The following AKAP13 variants were observed in gnomAD, a reference collection of about 807,000 sequenced individuals.
AKAP13 encodes A-kinase anchoring protein 13.
In AKAP13, 80 loss-of-function variants were observed where a neutral mutation model predicts 264.5. The ratio of observed to expected loss-of-function variants is 0.30; its 90% confidence interval spans 0.25 to 0.36. The LOEUF is 0.36. Among genes scored for constraint, AKAP13 ranks in the 10% least tolerant of loss-of-function variants. The pLI is 1.00. For synonymous variants in AKAP13, 1,380 were observed against 1,250.2 expected (o/e 1.10, Z -2.19); for missense variants, 3,712 against 3,435.2 (o/e 1.08, Z -2.01).
intron 3 of AKAP13, among the ~76,000 whole-genome samples, chr15:85,531,230 C>G (rs988991200): frequency 2.0e-5 from 3 of 152,178 alleles, no homozygotes; most frequent in African/African-American, 7.2e-5. Flanking sequence ...ATGCACCACT[C>G]CTCTCCCCAG....
Position 85,708,296 on chromosome 15 carries a change from A to T in AKAP13, c.5532+210A>T, listed in dbSNP as rs1055393778. 6.6e-6 allele frequency among the ~76,000 whole-genome samples: 1 copy of T among 152,212 alleles called. No individual in the cohort carries two copies. The highest frequency in any genetic ancestry group is 2.4e-5 in the African/African-American group (1 of 41,456). ...ACACTGGAGAATTAGACTTTCAGAA[A>T]AGAAAACGCTTTCAGAACTTCTTCA... On this transcript the variant is annotated intron_variant, in intron 18 of 36. Coordinates refer to ENST00000394518, the MANE Select transcript of AKAP13 (RefSeq NM_007200.5). This position sits in a 1 kb window ranked among gnomAD's most constrained non-coding sequence, Gnocchi z 4.3.
chr15:85,729,734 C>A lies in AKAP13; in HGVS notation c.7088-779C>A, dbSNP rs140720274. Among the ~76,000 whole-genome samples the A allele has an allele frequency of 2.6e-3, 398 of 152,080 alleles. 1 individual carries two copies. Among genetic ancestry groups the A allele is most frequent in the African/African-American group, 9.3e-3 (387 of 41,476 alleles). Reference sequence around the variant, plus strand: ...GGCAGATCACCCAAGGTCTGGAGTTCGAGACCAGCCTGGCCAACATGGTGA... The same window carrying A: ...GGCAGATCACCCAAGGTCTGGAGTTAGAGACCAGCCTGGCCAACATGGTGA... On this transcript the variant is annotated intron_variant, in intron 29 of 36. Transcript: ENST00000394518.
Position 85,442,544 on chromosome 15 carries a change from A to AT in AKAP13, c.-11-43165dup, listed in dbSNP as rs571143933. ...TTATATTATATATAATATATATTAT[A>AT]TATATATTTATTTCTAGCATGAGAA... On this transcript the variant is annotated intron_variant, in intron 1 of 36. Transcript: ENST00000394518. 2.5e-3 allele frequency among the ~76,000 whole-genome samples: 325 copies of AT among 131,560 alleles called. 3 individuals are homozygous for AT. The highest frequency in any genetic ancestry group is 9.0e-3 in the African/African-American group (309 of 34,354). 86.3% of individuals were successfully genotyped at this position (131,560 alleles called of 152,430 possible).
chr15:85,489,013 T>C (rs2075651764), intron 2 of AKAP13, among the ~76,000 whole-genome samples: 1 of 152,218 alleles, frequency 6.6e-6, no homozygotes, highest in African/African-American at 2.4e-5. Context: ...AGTTAGAAAC[T>C]CTCTGATCTT....
At chr15:85,469,673 C>T (rs1279955257) in intron 1 of AKAP13, among the ~76,000 whole-genome samples, 1 of 152,184 alleles carries the variant, frequency 6.6e-6, no homozygotes, top group Non-Finnish European at 1.5e-5. Flanking sequence ...AATAAGTGTG[C>T]ACATAGACTT....
intron 13 of AKAP13, among the ~76,000 whole-genome samples, chr15:85,666,154 C>T (rs911417151): frequency 5.9e-5 from 9 of 152,274 alleles, no homozygotes; most frequent in African/African-American, 1.4e-4. Context: ...AGTGTAAAAG[C>T]GTTCCTATCT....
At chr15:85,633,141 C>T (rs1029669049) in intron 8 of AKAP13, among the ~76,000 whole-genome samples, 7 of 152,206 alleles carry the variant, frequency 4.6e-5, no homozygotes, top group Non-Finnish European at 5.9e-5. Flanking sequence ...GCTGGGATTA[C>T]AGGCATGTGC....
chr15:85,464,145 C>T (rs2151006866), intron 1 of AKAP13, among the ~76,000 whole-genome samples: 1 of 152,298 alleles, frequency 6.6e-6, no homozygotes, highest in South Asian at 2.1e-4. Flanking sequence ...GGCATGCCTT[C>T]CTCTTTTCTG....
intron 14 of AKAP13, among the ~76,000 whole-genome samples, chr15:85,674,521 T>C (rs910682201): frequency 1.3e-5 from 2 of 152,200 alleles, no homozygotes; most frequent in African/African-American, 4.8e-5. Flanking sequence ...GCACTTTCCC[T>C]TGGGGTTGTT....
At chr15:85,603,412 A>T (rs570721576) in intron 8 of AKAP13, among the ~76,000 whole-genome samples, 1 of 152,380 alleles carries the variant, frequency 6.6e-6, no homozygotes, top group South Asian at 2.1e-4. Context: ...GGCAAGTAAC[A>T]TCTTACCATT....
chr15:85,596,082 G>A (rs2079813584), intron 8 of AKAP13, among the ~76,000 whole-genome samples: 1 of 152,172 alleles, frequency 6.6e-6, no homozygotes, highest in South Asian at 2.1e-4. Flanking sequence ...CTGGGACAGT[G>A]TCTTAAGTGT....
rs1425179940 is a variant in AKAP13, at chr15:85,745,545, C to T, written c.*868C>T. 6.6e-6 allele frequency: 1 copy of T among 152,164 alleles called. No individual in the cohort carries two copies. Among genetic ancestry groups the T allele is most frequent in the Non-Finnish European group, 1.5e-5 (1 of 68,048 alleles). 9.4% of individuals were successfully genotyped at this position (152,164 alleles called of 1,614,324 possible). The stretch of plus-strand genomic sequence containing the variant: ...GGCCTACTCACCATTATCCCTGCAG[C>T]GTGACACCTTTTGATTGTCACTGAC... On this transcript the variant is annotated 3_prime_UTR_variant, in exon 37 of 37. Coordinates refer to ENST00000394518, the MANE Select transcript of AKAP13 (RefSeq NM_007200.5).
intron 8 of AKAP13, among the ~76,000 whole-genome samples, chr15:85,596,524 C>T (rs1026819133): frequency 9.9e-5 from 15 of 151,988 alleles, no homozygotes; most frequent in Admixed American, 5.2e-4. Context: ...GTGGAGGCTG[C>T]GGTGACCCAT....
chr15:85,534,035 C>T, intron 4 of AKAP13, 155 bp downstream of exon 4: 1 of 773,164 alleles, frequency 1.3e-6, no homozygotes, highest in Non-Finnish European at 2.0e-6. Context: ...TCAATGGCAT[C>T]TCTTCTAGGT....
chr15:85,521,765 C>T (rs922434913), intron 3 of AKAP13, among the ~76,000 whole-genome samples, 190 bp downstream of exon 3: 2 of 152,122 alleles, frequency 1.3e-5, no homozygotes, highest in Admixed American at 1.3e-4. Context: ...ATTGCTGTGC[C>T]ATTTTATGTA....
chr15:85,742,479 C>T (rs1373196814), intron 35 of AKAP13, among the ~76,000 whole-genome samples: 5 of 152,186 alleles, frequency 3.3e-5, no homozygotes, highest in African/African-American at 1.2e-4. Context: ...GGGAAACGCC[C>T]ATCCCAGCAA....
At chr15:85,488,451 T>A (rs1410618452) in intron 2 of AKAP13, among the ~76,000 whole-genome samples, 2 of 152,218 alleles carry the variant, frequency 1.3e-5, no homozygotes, top group East Asian at 1.9e-4. Flanking sequence ...AAATAAGTAG[T>A]TGTGTTATAC....
intron 8 of AKAP13, chr15:85,619,533 G>T: frequency 1.0e-6 from 1 of 985,356 alleles, no homozygotes. Context: ...AGGAAAAGTA[G>T]ATTTTCTTTG....
chr15:85,467,110 CTCAA>C (rs1342962967), intron 1 of AKAP13, among the ~76,000 whole-genome samples: 1 of 151,946 alleles, frequency 6.6e-6, no homozygotes, highest in Admixed American at 6.6e-5. Flanking sequence ...ACGTATGTAA[CTCAA>C]TCATCCGTGT....
Sources: gnomAD v4.1 joint callset for allele counts (sites outside exome capture counted in the v4.1 genomes callset) on GRCh38, gnomAD v4.1.1 for gene constraint, Gnocchi (gnomAD v3.1) non-coding constraint, MANE v1.5 for transcripts, NCBI Gene and HGNC (gene_info 2026-07-23, HGNC 2026-07-21) for gene names.